The following PTPRQ variants were observed in gnomAD, a reference collection of about 807,000 sequenced individuals.
PTPRQ encodes the protein phosphatidylinositol phosphatase PTPRQ.
Under a neutral mutation model 246.0 loss-of-function variants are expected in PTPRQ, and 199 were observed. The observed-to-expected ratio is 0.81, with a 90% CI of 0.72 to 0.91. PTPRQ has a LOEUF of 0.91. Ranked by LOEUF, PTPRQ falls within the 40% of genes least tolerant of loss-of-function variation. The pLI, the probability that PTPRQ is intolerant of heterozygous loss-of-function variation, is 0.00. For synonymous variants in PTPRQ, 869 were observed against 853.2 expected (o/e 1.02, Z -0.32); for missense variants, 2,624 against 2,528.4 (o/e 1.04, Z -0.81).
chr12:80,495,306 C>CA lies in PTPRQ; in HGVS notation c.1819dup (p.Met607AsnfsTer16). 1 of 1,545,480 alleles carries CA rather than the reference C, an allele frequency of 6.5e-7. No individual in the cohort carries two copies. The highest frequency in any genetic ancestry group is 8.7e-7 in the Non-Finnish European group (1 of 1,145,054). On this transcript the variant is annotated frameshift_variant, in exon 12 of 45. Coordinates refer to ENST00000644991, the MANE Select transcript of PTPRQ (RefSeq NM_001145026.2). LOFTEE classifies it high-confidence loss of function. Reference sequence around the variant, plus strand: ...AAAATAACTCACTATACGATTTATGCAATGGAATTGGATACAAACAGAGCA... The same window carrying CA: ...AAAATAACTCACTATACGATTTATGCAAATGGAATTGGATACAAACAGAGCA...
chr12:80,661,278 G>A lies in PTPRQ; in HGVS notation c.6192+3217G>A, dbSNP rs1321120723. Among the ~76,000 whole-genome samples, 7 of 148,284 alleles carry A rather than the reference G, an allele frequency of 4.7e-5. No homozygotes were observed. The Admixed American group carries it at 4.8e-4, about 10-fold the overall frequency. On this transcript the variant is annotated intron_variant, in intron 39 of 44. Coordinates refer to ENST00000644991, the MANE Select transcript of PTPRQ (RefSeq NM_001145026.2). ...ATATATTTGTATATGTGTATATACA[G>A]TTATATTTTATATGTCTATATTTTA...
At chr12:80,651,421 C>CAGAA (rs1900254416) in intron 37 of PTPRQ, among the ~76,000 whole-genome samples, 1 of 151,772 alleles carries the variant, frequency 6.6e-6, no homozygotes, top group Non-Finnish European at 1.5e-5. Flanking sequence ...TTAGGATGAG[C>CAGAA]AGAAGTCTAA....
intron 32 of PTPRQ, among the ~76,000 whole-genome samples, chr12:80,621,239 C>T (rs566972785): frequency 3.6e-4 from 54 of 151,816 alleles, no homozygotes; most frequent in African/African-American, 1.2e-3. Context: ...AGGTTATTGC[C>T]TGAATAGCTA....
In PTPRQ at chr12:80,468,756, A is replaced by G. The variant is rs1565726100; in HGVS notation, c.957A>G (p.Gly319=). ...PQNCVTGNIT[G]KSFSILWDPP... is the part of the protein sequence containing the mutation. The stretch of plus-strand genomic sequence containing the variant: ...ACTGCGTAACAGGCAACATCACAGG[A>G]AAGTCCTTTTCAATTTTATGGGACC... Residue 319 remains glycine, a synonymous_variant, in exon 7 of 45, where the codon GGA becomes GGG. Coordinates refer to ENST00000644991, the MANE Select transcript of PTPRQ (RefSeq NM_001145026.2). 1.9e-6 allele frequency: 3 copies of G among 1,550,134 alleles called. No homozygotes were observed. Among genetic ancestry groups the G allele is most frequent in the Non-Finnish European group, 2.6e-6 (3 of 1,146,322 alleles).
intron 25 of PTPRQ, among the ~76,000 whole-genome samples, 162 bp downstream of exon 25, chr12:80,549,896 T>C (rs1172712752): frequency 6.6e-6 from 1 of 152,114 alleles, no homozygotes; most frequent in Non-Finnish European, 1.5e-5. Context: ...GAGTACCAGC[T>C]GTGTACTACA....
At chr12:80,524,740 G>T (rs538697800) in intron 17 of PTPRQ, among the ~76,000 whole-genome samples, 111 of 152,034 alleles carry the variant, frequency 7.3e-4, no homozygotes, top group African/African-American at 2.1e-3. Flanking sequence ...ACAGAGAAAA[G>T]AATATTATCC....
chr12:80,675,217 G>T (rs1416176337), intron 43 of PTPRQ, among the ~76,000 whole-genome samples: 1 of 152,080 alleles, frequency 6.6e-6, no homozygotes, highest in Non-Finnish European at 1.5e-5. Flanking sequence ...CCCTGAAATT[G>T]GTTTAATGTT....
chr12:80,564,735 CAATT>C (rs1896928428), intron 25 of PTPRQ, among the ~76,000 whole-genome samples: 4 of 152,078 alleles, frequency 2.6e-5, no homozygotes, highest in Non-Finnish European at 5.9e-5. Context: ...GAGTTTTCTA[CAATT>C]AATTATTTGC....
Position 80,542,021 on chromosome 12 carries a change from G to A in PTPRQ, c.3446-68G>A. 5 of 1,501,400 alleles carry A rather than the reference G, an allele frequency of 3.3e-6. No homozygotes were observed. In the South Asian group the frequency reaches 6.6e-5, roughly 20 times the overall value. 93.0% of individuals were successfully genotyped at this position (1,501,400 alleles called of 1,614,324 possible). A position where few individuals can be genotyped will look rare whatever the true frequency, so the allele number is the denominator to read the frequency against. ...TGCTAAGAAAATCAAATCCCATTAT[G>A]ATTGAATCCTCTTTTTTTAATGCTG... is the stretch of plus-strand genomic sequence containing the variant. On this transcript the variant is annotated intron_variant, in intron 21 of 44. Coordinates refer to ENST00000644991, the MANE Select transcript of PTPRQ (RefSeq NM_001145026.2).
intron 30 of PTPRQ, among the ~76,000 whole-genome samples, chr12:80,618,856 A>T (rs1405192970): frequency 6.6e-6 from 1 of 151,550 alleles, no homozygotes; most frequent in African/African-American, 2.4e-5. Flanking sequence ...GCCCCATTAG[A>T]AAAAGCAAAC....
chr12:80,582,030 A>G (rs1197866040), intron 25 of PTPRQ, among the ~76,000 whole-genome samples: 2 of 152,194 alleles, frequency 1.3e-5, no homozygotes, highest in African/African-American at 4.8e-5. Flanking sequence ...TGTTTTACCT[A>G]GCAACGATTA....
chr12:80,466,307 A>C (rs1465112310), intron 6 of PTPRQ, among the ~76,000 whole-genome samples: 1 of 152,196 alleles, frequency 6.6e-6, no homozygotes, highest in East Asian at 1.9e-4. Flanking sequence ...AAGGGATGTG[A>C]AGGACCTCTT....
Position 80,633,827 on chromosome 12 carries a change from C to T in PTPRQ, c.5787-1118C>T, listed in dbSNP as rs762377628. Among the ~76,000 whole-genome samples the T allele has an allele frequency of 3.9e-4, 60 of 152,136 alleles. 1 individual carries two copies. The highest frequency in any genetic ancestry group is 7.1e-4 in the Non-Finnish European group (48 of 68,042). On this transcript the variant is annotated intron_variant, in intron 34 of 44. Transcript: ENST00000644991. ...GACTGGCCACATTTATGTAATTTCC[C>T]TGCTCTAAAATCTTTTCTGACTTCT...
At chr12:80,627,152 G>C (rs903371456) in intron 33 of PTPRQ, among the ~76,000 whole-genome samples, 1 of 151,860 alleles carries the variant, frequency 6.6e-6, no homozygotes, top group Non-Finnish European at 1.5e-5. Context: ...ATTGAATCAA[G>C]TTAATTAACA....
chr12:80,520,936 A>G (rs1362396949), intron 17 of PTPRQ, among the ~76,000 whole-genome samples: 1 of 151,920 alleles, frequency 6.6e-6, no homozygotes, highest in Non-Finnish European at 1.5e-5. Context: ...GAATCGCCAC[A>G]CTGACTTCCA....
chr12:80,504,147 C>T lies in PTPRQ; in HGVS notation c.2273-1877C>T, dbSNP rs1353135235. On this transcript the variant is annotated intron_variant, in intron 14 of 44. Transcript: ENST00000644991. ...CTTCATTTTCTCTACTATTTTAGAC[C>T]CCCTCCGGATATCATCTATGTCTCA... is the stretch of plus-strand genomic sequence containing the variant. Among the ~76,000 whole-genome samples the T allele has an allele frequency of 9.3e-5, 14 of 151,218 alleles. No homozygotes were observed. The Admixed American group carries it at 9.3e-4, about 10-fold the overall frequency.
intron 27 of PTPRQ, among the ~76,000 whole-genome samples, chr12:80,608,402 T>A (rs1191449434): frequency 7.3e-5 from 11 of 150,530 alleles, no homozygotes; most frequent in Non-Finnish European, 9.0e-5. Flanking sequence ...GTAATGATGA[T>A]CTTTTGTACT....
At chr12:80,484,390 T>C (rs531243671) in intron 8 of PTPRQ, 43 bp from the exon 9 acceptor site, 2 of 1,397,980 alleles carry the variant, frequency 1.4e-6, no homozygotes, top group South Asian at 2.7e-5. Flanking sequence ...AAAAAATATT[T>C]TTAATTTCCC....
At chr12:80,630,673 T>G (rs540754011) in intron 33 of PTPRQ, among the ~76,000 whole-genome samples, 32 of 152,328 alleles carry the variant, frequency 2.1e-4, no homozygotes, top group African/African-American at 7.5e-4. Context: ...AATACATTTA[T>G]GTTTGTTACC....
Sources: allele counts gnomAD v4.1 joint callset (sites outside exome capture counted in the v4.1 genomes callset), GRCh38; gene constraint gnomAD v4.1.1; transcripts MANE v1.5; gene names NCBI Gene and HGNC (gene_info 2026-07-23, HGNC 2026-07-21).